The following ADAMTSL1 variants were observed in gnomAD, a reference collection of about 807,000 sequenced individuals.
ADAMTSL1 encodes ADAMTS like 1, also known as ADAMTS-like protein 1.
A neutral mutation model predicts 201.8 loss-of-function variants in ADAMTSL1; 126 were observed. That is an observed-to-expected ratio of 0.62 (90% CI 0.54 to 0.72). The LOEUF (loss-of-function observed/expected upper bound fraction) is 0.72. ADAMTSL1 is among the 30% of genes least tolerant of loss of function. The pLI, the probability that ADAMTSL1 is intolerant of heterozygous loss-of-function variation, is 0.00. For missense variants in ADAMTSL1, 2,679 were observed against 2,277.8 expected, an observed-to-expected ratio of 1.18 and a Z score of -3.59; for synonymous variants, 1,121 against 903.4, an observed-to-expected ratio of 1.24 and a Z score of -4.32.
chr9:18,215,649 T>C (rs981657427), intron 2 of ADAMTSL1, among the ~76,000 whole-genome samples: 2 of 152,226 alleles, frequency 1.3e-5, no homozygotes, highest in Non-Finnish European at 2.9e-5. Flanking sequence ...TTTTATTTAA[T>C]GGTTTATTAG....
intron 2 of ADAMTSL1, among the ~76,000 whole-genome samples, chr9:18,506,157 T>G (rs1052157116): frequency 6.6e-6 from 1 of 152,238 alleles, no homozygotes; most frequent in Non-Finnish European, 1.5e-5. Context: ...GTCTCATTTT[T>G]GAGGCCAGCT....
rs1827473967 is a variant in ADAMTSL1, at chr9:17,946,346, G to C, written c.87+39424G>C. On this transcript the variant is annotated intron_variant, in intron 1 of 29. Coordinates refer to the ADAMTSL1 transcript ENST00000680146. The stretch of plus-strand genomic sequence containing the variant: ...AACATATTTCGTCAATTGGTACTCA[G>C]GTATCTAAGTCCAAGAACATTCTCG... Among the ~76,000 whole-genome samples, 4 of 151,744 alleles carry C rather than the reference G, an allele frequency of 2.6e-5. No individual in the cohort carries two copies. In the South Asian group the frequency reaches 8.3e-4, roughly 32 times the overall value.
At chr9:18,352,715 G>T (rs1353586841) in intron 2 of ADAMTSL1, among the ~76,000 whole-genome samples, 1 of 152,118 alleles carries the variant, frequency 6.6e-6, no homozygotes, top group East Asian at 1.9e-4. Flanking sequence ...ACCATCAGAT[G>T]ATTTTATTTT....
Position 18,889,751 on chromosome 9 carries a change from G to A in ADAMTSL1, c.4643+3G>A, listed in dbSNP as rs1001251135. On this transcript the variant is annotated splice_donor_region_variant and intron_variant, in intron 25 of 28. Coordinates refer to ENST00000380548, the MANE Select transcript of ADAMTSL1 (RefSeq NM_001040272.6). Reference sequence around the variant, plus strand: ...AACCGGAGAGACTGCCCTTCTCGGTGAGTGCAGCGGACACTGGCTCAGACC... The same window carrying A: ...AACCGGAGAGACTGCCCTTCTCGGTAAGTGCAGCGGACACTGGCTCAGACC... The A allele has an allele frequency of 5.4e-6, 8 of 1,482,850 alleles. No homozygotes were observed. The East Asian group carries it at 7.5e-5, about 14-fold the overall frequency. The allele number at this position is 1,482,850 out of a possible 1,614,324, so 91.9% of individuals were successfully genotyped here.
intron 2 of ADAMTSL1, among the ~76,000 whole-genome samples, chr9:18,182,348 A>C (rs1828535092): frequency 6.6e-6 from 1 of 152,212 alleles, no homozygotes; most frequent in Non-Finnish European, 1.5e-5. Flanking sequence ...AAAACTACTT[A>C]ATTGTATACC....
intron 7 of ADAMTSL1, among the ~76,000 whole-genome samples, chr9:18,650,767 C>G (rs185319089): frequency 7.9e-5 from 12 of 152,198 alleles, no homozygotes; most frequent in African/African-American, 2.6e-4. Context: ...AAACTTGTTC[C>G]GTTGGCTCTA....
intron 4 of ADAMTSL1, among the ~76,000 whole-genome samples, chr9:18,601,195 C>G (rs1475892544): frequency 6.6e-6 from 1 of 152,146 alleles, no homozygotes; most frequent in Non-Finnish European, 1.5e-5. Context: ...TTTTAGGATT[C>G]TTTTGGTTAC....
At chr9:18,786,528 A>C (rs1315870693) in intron 19 of ADAMTSL1, among the ~76,000 whole-genome samples, 1 of 152,248 alleles carries the variant, frequency 6.6e-6, no homozygotes, top group Non-Finnish European at 1.5e-5. Context: ...CCTTCGGACT[A>C]GCAGAAGTGC....
At chr9:17,954,467 A>G (rs1048124662) in intron 1 of ADAMTSL1, among the ~76,000 whole-genome samples, 8 of 152,178 alleles carry the variant, frequency 5.3e-5, no homozygotes, top group African/African-American at 9.7e-5. Context: ...ATAGACTTCT[A>G]TTTCATTGCA....
intron 2 of ADAMTSL1, among the ~76,000 whole-genome samples, chr9:18,236,730 A>G (rs541101219): frequency 1.6e-4 from 24 of 152,324 alleles, no homozygotes; most frequent in African/African-American, 5.8e-4. Context: ...TCTTAGCTAT[A>G]TTTTCAGCGA....
At chr9:17,956,663 T>C (rs1827945419) in intron 1 of ADAMTSL1, among the ~76,000 whole-genome samples, 2 of 152,200 alleles carry the variant, frequency 1.3e-5, no homozygotes, top group Non-Finnish European at 2.9e-5. Flanking sequence ...TGTAGCATTA[T>C]TTCTGCCACA....
At chr9:18,376,174 C>T (rs1451420116) in intron 2 of ADAMTSL1, among the ~76,000 whole-genome samples, 1 of 152,138 alleles carries the variant, frequency 6.6e-6, no homozygotes, top group Non-Finnish European at 1.5e-5. Flanking sequence ...TCTCATTTCC[C>T]AAAGTAAAAT....
At chr9:18,405,635 GA>G (rs71333041) in intron 2 of ADAMTSL1, among the ~76,000 whole-genome samples, 10,044 of 107,330 alleles carry the variant, frequency 0.094, 363 homozygotes, top group Non-Finnish European at 0.12. Flanking sequence ...ACAGAAGAAT[GA>G]AAAAAAAAAA....
intron 2 of ADAMTSL1, among the ~76,000 whole-genome samples, chr9:18,249,590 C>T (rs1587395503): frequency 1.3e-5 from 2 of 152,146 alleles, no homozygotes; most frequent in African/African-American, 4.8e-5. Flanking sequence ...TAGGCTACTT[C>T]AGCCTACTGT....
chr9:18,502,945 G>A, intron 1 of ADAMTSL1, among the ~76,000 whole-genome samples: 1 of 151,872 alleles, frequency 6.6e-6, no homozygotes, highest in East Asian at 1.9e-4. Flanking sequence ...AATAATAATA[G>A]CAACAAATGC....
At chr9:18,585,235 AAG>A (rs1243623160) in intron 4 of ADAMTSL1, among the ~76,000 whole-genome samples, 1 of 152,188 alleles carries the variant, frequency 6.6e-6, no homozygotes. Context: ...TATGAAGTGA[AAG>A]AGTTTCTATG....
chr9:18,050,436 A>G (rs894100677), intron 1 of ADAMTSL1, among the ~76,000 whole-genome samples: 4 of 152,312 alleles, frequency 2.6e-5, no homozygotes, highest in Admixed American at 2.6e-4. Context: ...TCCCTGTAAG[A>G]AAAATAAAAA....
At chr9:18,896,114 A>T (rs559003945) in intron 26 of ADAMTSL1, among the ~76,000 whole-genome samples, 1 of 152,332 alleles carries the variant, frequency 6.6e-6, no homozygotes, top group East Asian at 1.9e-4. Flanking sequence ...GAACCAACAT[A>T]TACATTTTGA....
chr9:18,186,798 A>G (rs1206238875), intron 2 of ADAMTSL1, among the ~76,000 whole-genome samples: 3 of 151,736 alleles, frequency 2.0e-5, no homozygotes, highest in South Asian at 2.1e-4. Flanking sequence ...TATTATTATC[A>G]TATTGTGCCA....
Sources: allele counts gnomAD v4.1 joint callset (sites outside exome capture counted in the v4.1 genomes callset), GRCh38; gene constraint gnomAD v4.1.1; transcripts MANE v1.5; gene names NCBI Gene and HGNC (gene_info 2026-07-23, HGNC 2026-07-21).